NEO1: variants seen among roughly 807,000 people sequenced by gnomAD.
The protein encoded by NEO1 is neogenin.
Under a neutral mutation model 159.7 loss-of-function variants are expected in NEO1, and 63 were observed. The ratio of observed to expected loss-of-function variants is 0.39; its 90% CI spans 0.32 to 0.49. NEO1 has a LOEUF of 0.49. Among genes scored for constraint, NEO1 ranks in the 20% least tolerant of loss-of-function variants. NEO1 has a pLI of 0.85. For missense variants in NEO1, 1,615 were observed against 1,831.0 expected (o/e 0.88, Z 2.15); for synonymous variants, 633 against 662.0 (o/e 0.96, Z 0.67).
chr15:73,144,541 A>G (rs1452803893), intron 5 of NEO1, among the ~76,000 whole-genome samples: 1 of 151,908 alleles, frequency 6.6e-6, no homozygotes, highest in East Asian at 1.9e-4. Context: ...TTTTGCCTTC[A>G]TGGGCATCTT....
In NEO1 at chr15:73,266,348, G is replaced by T. The variant is rs1596529533; in HGVS notation, c.2431G>T (p.Ala811Ser). ...CTCTCACTATGTGATTACCCTGAAA[G>T]CATTTAATAACGTGGGTGAAGGCAT... ...PSSHYVITLK[A>S]FNNVGEGIPL... The change falls in exon 16 of 29, where the codon GCA (alanine) becomes TCA (serine). Residue 811 changes from alanine to serine, a missense_variant. Ala to Ser is a moderately conservative substitution (Grantham distance 99). Around this residue, in one of 3 missense-constraint regions of NEO1, gnomAD observed 1,018 missense variants for 1,115.4 expected, o/e 0.91. Transcript: ENST00000261908. The T allele has an allele frequency of 6.2e-7, 1 of 1,613,466 alleles. No individual in the cohort carries two copies. Among genetic ancestry groups the T allele is most frequent in the Non-Finnish European group, 8.5e-7 (1 of 1,179,732 alleles).
chr15:73,279,343 TG>T (rs2041567740), intron 22 of NEO1, among the ~76,000 whole-genome samples: 2 of 128,048 alleles, frequency 1.6e-5, no homozygotes, highest in South Asian at 5.2e-4. Flanking sequence ...TTTGTTGTTT[TG>T]GTTTTGGTTT....
chr15:73,240,645 G>A (rs2039445673), intron 8 of NEO1, among the ~76,000 whole-genome samples: 1 of 152,174 alleles, frequency 6.6e-6, no homozygotes, highest in African/African-American at 2.4e-5. Context: ...CAAGATTAAA[G>A]GAGAGAAAAA....
chr15:73,254,431 CT>C (rs927362254), intron 12 of NEO1, among the ~76,000 whole-genome samples: 3 of 152,150 alleles, frequency 2.0e-5, no homozygotes, highest in African/African-American at 7.2e-5. Context: ...CATCATCTTT[CT>C]GGCAAAACAA....
At chr15:73,120,960 C>A (rs1269633118) in intron 2 of NEO1, among the ~76,000 whole-genome samples, 1 of 152,076 alleles carries the variant, frequency 6.6e-6, no homozygotes, top group African/African-American at 2.4e-5. Flanking sequence ...TCTGCCTTAA[C>A]CCCCCAAAAA....
chr15:73,081,459 T>C (rs1410607505), intron 1 of NEO1, among the ~76,000 whole-genome samples: 1 of 152,240 alleles, frequency 6.6e-6, no homozygotes, highest in African/African-American at 2.4e-5. Context: ...GTTAAAATTA[T>C]TTTACTTTTC....
intron 2 of NEO1, among the ~76,000 whole-genome samples, chr15:73,119,977 A>C (rs1192302433): frequency 1.3e-5 from 2 of 152,068 alleles, no homozygotes; most frequent in Non-Finnish European, 2.9e-5. Context: ...TCTCTACTAA[A>C]AATACAAAAA....
chr15:73,290,750 T>C lies in NEO1; in HGVS notation c.3742+1512T>C, dbSNP rs773570201. Among the ~76,000 whole-genome samples the C allele has an allele frequency of 4.3e-4, 66 of 152,290 alleles. No homozygotes were observed. In the Middle Eastern group the frequency reaches 0.014, roughly 31 times the overall value. ...AAGCCTTTCAGACTAGCTAGCACAG[T>C]GGGGCTTGCAGTTGAGGGAATTCTC... is the stretch of plus-strand genomic sequence containing the variant. On this transcript the variant is annotated intron_variant, in intron 25 of 28. Coordinates refer to ENST00000261908, the MANE Select transcript of NEO1 (RefSeq NM_002499.4).
At chr15:73,249,013 G>T in intron 9 of NEO1, 47 bp from the exon 10 acceptor site, 9 of 1,601,956 alleles carry the variant, frequency 5.6e-6, no homozygotes, top group Non-Finnish European at 7.7e-6. Context: ...TTATTGAGGA[G>T]TGTAGCATTT....
At chr15:73,289,980 C>T (rs890263966) in intron 25 of NEO1, among the ~76,000 whole-genome samples, 2 of 151,456 alleles carry the variant, frequency 1.3e-5, no homozygotes, top group African/African-American at 2.4e-5. Flanking sequence ...AGCCAGGCAT[C>T]GTGGCACACA....
intron 12 of NEO1, 78 bp from the exon 13 acceptor site, chr15:73,254,604 A>G: frequency 1.4e-6 from 2 of 1,426,194 alleles, no homozygotes; most frequent in South Asian, 3.0e-5. Flanking sequence ...TAAACAGTAA[A>G]ATCAGGATAA....
Position 73,116,829 on chromosome 15 carries a change from C to CAGTA in NEO1, c.421_424dup (p.Arg142LysfsTer2). On this transcript the variant is annotated frameshift_variant, in exon 2 of 29. Coordinates refer to ENST00000261908, the MANE Select transcript of NEO1 (RefSeq NM_002499.4). LOFTEE classifies it high-confidence loss of function. ...CTGTTGAGAGTCTTGGAACTATTAT[C>CAGTA]AGTAGAACAGCGAAGCTCATAGTAG... 1 of 1,578,494 alleles carries CAGTA rather than the reference C, an allele frequency of 6.3e-7. No individual in the cohort carries two copies. The highest frequency in any genetic ancestry group is 8.6e-7 in the Non-Finnish European group (1 of 1,165,646).
At chr15:73,238,797 C>T (rs998437361) in intron 8 of NEO1, among the ~76,000 whole-genome samples, 2 of 151,858 alleles carry the variant, frequency 1.3e-5, no homozygotes, top group Admixed American at 6.6e-5. Context: ...CCATCTCAGG[C>T]GATCTTGGAA....
intron 5 of NEO1, among the ~76,000 whole-genome samples, chr15:73,156,337 GGTA>G (rs2033771682): frequency 6.6e-6 from 1 of 152,188 alleles, no homozygotes; most frequent in Non-Finnish European, 1.5e-5. Flanking sequence ...GTCCTTCAGT[GGTA>G]GTGGTGGTGG....
At chr15:73,080,600 C>T (rs2068994459) in intron 1 of NEO1, among the ~76,000 whole-genome samples, 1 of 151,594 alleles carries the variant, frequency 6.6e-6, no homozygotes, top group Non-Finnish European at 1.5e-5. Context: ...AGCCTTGGTT[C>T]ATGGTAGAGG....
In NEO1 at chr15:73,059,315, G is replaced by A. The variant is rs562332043; in HGVS notation, c.130+6510G>A. The stretch of plus-strand genomic sequence containing the variant: ...TCAGTTCTTCAGTTCTGAGGAGTTA[G>A]CAGGTTGGTGGTCTGAAGTGCAGAT... On this transcript the variant is annotated intron_variant, in intron 1 of 28. Coordinates refer to ENST00000261908, the MANE Select transcript of NEO1 (RefSeq NM_002499.4). Among the ~76,000 whole-genome samples the A allele has an allele frequency of 1.1e-4, 16 of 152,308 alleles. No individual in the cohort carries two copies. The East Asian group carries it at 2.1e-3, about 20-fold the overall frequency.
At chr15:73,110,705 T>C (rs1305422808) in intron 1 of NEO1, among the ~76,000 whole-genome samples, 5 of 152,150 alleles carry the variant, frequency 3.3e-5, no homozygotes, top group African/African-American at 1.2e-4. Context: ...CTTGGGAATG[T>C]AGAAGATATT....
chr15:73,071,975 A>T (rs2068556275), intron 1 of NEO1, among the ~76,000 whole-genome samples: 1 of 151,212 alleles, frequency 6.6e-6, no homozygotes, highest in South Asian at 2.1e-4. Context: ...TTTGAGATGG[A>T]GTTTCACTCT....
rs1040522891 is a variant in NEO1, at chr15:73,288,699, A to G, written c.3649+148A>G. ...TGTGTATGATAAGATTTGGGAACAT[A>G]TGATGAAGAATACCTAGCTTCTTAT... On this transcript the variant is annotated intron_variant, in intron 24 of 28. Transcript: ENST00000261908. 1.6e-5 allele frequency: 11 copies of G among 678,828 alleles called. No homozygotes were observed. In the African/African-American group the frequency reaches 1.8e-4, roughly 11 times the overall value. 42.1% of individuals were successfully genotyped at this position (678,828 alleles called of 1,614,324 possible). A position where few individuals can be genotyped will look rare whatever the true frequency, so the allele number is the denominator to read the frequency against.
Sources: allele counts gnomAD v4.1 joint callset (sites outside exome capture counted in the v4.1 genomes callset), GRCh38; gene constraint gnomAD v4.1.1; regional missense constraint gnomAD v4.1.1; transcripts MANE v1.5; gene names NCBI Gene and HGNC (gene_info 2026-07-23, HGNC 2026-07-21).